Variants in USP6 observed in about 807,000 individuals in gnomAD.
USP6 encodes ubiquitin carboxyl-terminal hydrolase 6.
USP6 carries 128 observed loss-of-function variants against 175.7 expected under a neutral mutation model. The ratio of observed to expected loss-of-function variants is 0.73; its 90% CI spans 0.63 to 0.84. USP6 has a LOEUF of 0.84. Among genes scored for constraint, USP6 ranks in the 40% least tolerant of loss-of-function variants. USP6 has a pLI of 0.00. For missense variants in USP6, 1,498 were observed against 1,760.3 expected, an observed-to-expected ratio of 0.85 and a Z score of 2.67; for synonymous variants, 562 against 630.6, an observed-to-expected ratio of 0.89 and a Z score of 1.63.
intron 33 of USP6, 136 bp from the exon 34 acceptor site, chr17:5,167,796 A>G (rs2074125000): frequency 3.6e-6 from 4 of 1,104,768 alleles, no homozygotes; most frequent in Non-Finnish European, 5.1e-6. Context: ...GAGCCATCAT[A>G]CCCAGCCAGT....
rs755926845 is a variant in USP6, at chr17:5,138,993, G to T, written c.1079-262G>T. 3.9e-5 allele frequency: 59 copies of T among 1,519,640 alleles called. 1 individual carries two copies. In the South Asian group the frequency reaches 6.8e-4, roughly 18 times the overall value. The allele number at this position is 1,519,640 out of a possible 1,614,324, so 94.1% of individuals were successfully genotyped here. On this transcript the variant is annotated intron_variant, in intron 21 of 37. Transcript: ENST00000574788. ...CAGGCCCAACAGCCCTGGGACGAAGGTGTGTGGCAGGAAGCCCCCAGCCAG... is the reference window on the plus strand; with the variant it reads ...CAGGCCCAACAGCCCTGGGACGAAGTTGTGTGGCAGGAAGCCCCCAGCCAG...
chr17:5,131,318 G>GT (rs1311733989), intron 11 of USP6, among the ~76,000 whole-genome samples: 1 of 151,256 alleles, frequency 6.6e-6, no homozygotes, highest in Non-Finnish European at 1.5e-5. Context: ...CTGGGGCCAG[G>GT]TAAGAGGAGC....
rs895507904 is a variant in USP6, at chr17:5,174,541, A to G, written c.*1563A>G. 5.2e-6 allele frequency: 1 copy of G among 192,908 alleles called. No individual in the cohort carries two copies. Among genetic ancestry groups the G allele is most frequent in the African/African-American group, 2.3e-5 (1 of 43,084 alleles). 11.9% of individuals were successfully genotyped at this position (192,908 alleles called of 1,614,324 possible). Reference sequence around the variant, plus strand: ...TAGGTAGGAGTGGCCTAAATTGTCTAATGTAATAAAGTCAGACAAAATGCA... The same window carrying G: ...TAGGTAGGAGTGGCCTAAATTGTCTGATGTAATAAAGTCAGACAAAATGCA... On this transcript the variant is annotated 3_prime_UTR_variant, in exon 38 of 38. Coordinates refer to ENST00000574788, the MANE Select transcript of USP6 (RefSeq NM_001304284.2).
Position 5,132,969 on chromosome 17 carries a change from G to T in USP6, c.255G>T (p.Glu85Asp). The T allele has an allele frequency of 6.2e-7, 1 of 1,614,186 alleles. No individual in the cohort carries two copies. Among genetic ancestry groups the T allele is most frequent in the Non-Finnish European group, 8.5e-7 (1 of 1,180,012 alleles). The change falls in exon 13 of 38, where the codon GAG (glutamate) becomes GAT (aspartate). Residue 85 changes from glutamate (E) to aspartate (D), a missense_variant. By Grantham distance (45) the Glu-to-Asp change is conservative (BLOSUM62 2). This residue lies in a region of USP6 where 281 missense variants were observed against 259.6 expected (regional missense o/e 1.08). Coordinates refer to ENST00000574788, the MANE Select transcript of USP6 (RefSeq NM_001304284.2). This position sits in a 1 kb window ranked among gnomAD's most constrained non-coding sequence, Gnocchi z 4.7. ...SKWMEMLGEW[E>D]TYKHSSKLID... ...GGATGGAAATGCTGGGAGAATGGGAGACATATAAGCACAGTAGCAAAGTAA... is the reference window on the plus strand; with the variant it reads ...GGATGGAAATGCTGGGAGAATGGGATACATATAAGCACAGTAGCAAAGTAA...
At chr17:5,116,866 A>G (rs571594442) in intron 1 of USP6, 126 bp downstream of exon 1, 1 of 152,284 alleles carries the variant, frequency 6.6e-6, no homozygotes, top group Non-Finnish European at 1.5e-5. Flanking sequence ...ACGGTACCCA[A>G]CACATAGCAA....
intron 14 of USP6, 50 bp downstream of exon 14, chr17:5,133,600 A>C (rs764460981): frequency 9.1e-5 from 123 of 1,351,708 alleles, no homozygotes; most frequent in Non-Finnish European, 9.5e-5. Flanking sequence ...TCAGGGGCCC[A>C]GGTCTCCAGC....
rs374580269 is a variant in USP6, at chr17:5,145,513, T to C, written c.2101T>C (p.Phe701Leu). ...GACATGTGGGCATATAAGTGTCCGA[T>C]TTGACCCTTTCAATTTTTTGTCTTT... ...CKTCGHISVR[F>L]DPFNFLSLPL... Residue 701 changes from phenylalanine (F) to leucine (L), a missense_variant, in exon 27 of 38, where the codon TTT becomes CTT. Physicochemically the swap from Phe to Leu is conservative, Grantham distance 22. Transcript: ENST00000574788. 2 of 1,612,194 alleles carry C rather than the reference T, an allele frequency of 1.2e-6. No individual in the cohort carries two copies. The highest frequency in any genetic ancestry group is 1.3e-5 in the African/African-American group (1 of 74,838).
rs1295799458 is a variant in USP6 at position 5,135,299 on chromosome 17, G to A, written c.543+17G>A. 6 of 1,612,070 alleles carry A rather than the reference G, an allele frequency of 3.7e-6. No homozygotes were observed. Among genetic ancestry groups the A allele is most frequent in the Non-Finnish European group, 5.1e-6 (6 of 1,178,652 alleles). The stretch of plus-strand genomic sequence containing the variant: ...TATAACCCGGTGAGTATTCCCGGCA[G>A]TGAGGTTCCCAGGCTGTATTTCCAT... On this transcript the variant is annotated intron_variant, in intron 16 of 37. Coordinates refer to ENST00000574788, the MANE Select transcript of USP6 (RefSeq NM_001304284.2).
intron 25 of USP6, 54 bp from the exon 26 acceptor site, chr17:5,144,636 A>G (rs2073554190): frequency 6.3e-7 from 1 of 1,595,848 alleles, no homozygotes; most frequent in African/African-American, 1.3e-5. Context: ...GGACATGTTC[A>G]TTCCAAATTT....
chr17:5,116,762 C>G (rs2072548082), intron 1 of USP6, 22 bp downstream of exon 1: 1 of 152,232 alleles, frequency 6.6e-6, no homozygotes, highest in Non-Finnish European at 1.5e-5. Flanking sequence ...GGCAAATTTG[C>G]CTTTCTAGAG....
rs2072634165 is a variant in USP6 at position 5,120,702 on chromosome 17, A to G, written c.-1761A>G. On this transcript the variant is annotated 5_prime_UTR_variant, in exon 3 of 38. Coordinates refer to ENST00000574788, the MANE Select transcript of USP6 (RefSeq NM_001304284.2). Reference sequence around the variant, plus strand: ...GGACACTGTGCCTGGAGTGAACCTGAGCTGGATCCTGAATGAGATGCATGA... The same window carrying G: ...GGACACTGTGCCTGGAGTGAACCTGGGCTGGATCCTGAATGAGATGCATGA... The G allele has an allele frequency of 4.7e-6, 2 of 422,356 alleles. No homozygotes were observed. The highest frequency in any genetic ancestry group is 9.4e-6 in the Non-Finnish European group (2 of 211,644). 26.2% of individuals were successfully genotyped at this position (422,356 alleles called of 1,614,324 possible).
Position 5,137,724 on chromosome 17 carries a change from C to T in USP6, c.899C>T (p.Thr300Ile). 1 of 1,608,942 alleles carries T rather than the reference C, an allele frequency of 6.2e-7. No homozygotes were observed. Among genetic ancestry groups the T allele is most frequent in the Non-Finnish European group, 8.5e-7 (1 of 1,176,518 alleles). The change falls in exon 20 of 38, where the codon ACC (threonine) becomes ATC (isoleucine). Residue 300 changes from threonine (T) to isoleucine (I), a missense_variant. Physicochemically the swap from Thr to Ile is moderately conservative, Grantham distance 89. This residue lies in a region of USP6 where 1,217 missense variants were observed against 1,500.8 expected (regional missense o/e 0.81). Coordinates refer to ENST00000574788, the MANE Select transcript of USP6 (RefSeq NM_001304284.2). Reference protein sequence around the residue: ...VEGEQVLMPITSIALKVQQKR... With the variant: ...VEGEQVLMPIISIALKVQQKR... The stretch of plus-strand genomic sequence containing the variant: ...GGAGAACAGGTGTTGATGCCAATAA[C>T]CAGCATTGCTCTTAAGGTTCAGCAG...
chr17:5,138,489 G>A (rs903933065), intron 21 of USP6, among the ~76,000 whole-genome samples: 1 of 152,132 alleles, frequency 6.6e-6, no homozygotes, highest in African/African-American at 2.4e-5. Flanking sequence ...GCAGGAGAGG[G>A]ATGTGGGCAA....
chr17:5,160,598 G>A (rs998118092), intron 31 of USP6, among the ~76,000 whole-genome samples: 3 of 152,196 alleles, frequency 2.0e-5, no homozygotes, highest in African/African-American at 7.2e-5. Flanking sequence ...TGGTGTATAT[G>A]TGCCACATTT....
rs1025470448 is a variant in USP6 at position 5,116,260 on chromosome 17, C to A, written c.-2408C>A. On this transcript the variant is annotated 5_prime_UTR_variant, in exon 1 of 38. Transcript: ENST00000574788. ...CCGCCTGCGGGCTCTCTGCTCGACG[C>A]CACTCCCGGCCCCGCTCCGGGCGGC... 2.6e-5 allele frequency among the ~76,000 whole-genome samples: 4 copies of A among 151,924 alleles called. No homozygotes were observed. Among genetic ancestry groups the A allele is most frequent in the Non-Finnish European group, 4.4e-5 (3 of 68,008 alleles).
At position 5,144,764 on chromosome 17, in the gene USP6, C is replaced by G. The variant is rs768520716; in HGVS notation, c.1893C>G (p.Leu631=). The G allele has an allele frequency of 7.4e-6, 12 of 1,613,754 alleles. No individual in the cohort carries two copies. The highest frequency in any genetic ancestry group is 1.0e-5 in the Non-Finnish European group (12 of 1,179,812). ...ACTCCCAAGAACTTCTGGCTTTTCTCTTGGATGGTCTTCATGAAGATCTCA... is the reference window on the plus strand; with the variant it reads ...ACTCCCAAGAACTTCTGGCTTTTCTGTTGGATGGTCTTCATGAAGATCTCA... ...QQDSQELLAF[L]LDGLHEDLNR... Residue 631 remains leucine (L), a synonymous_variant, in exon 26 of 38, where the codon CTC becomes CTG. Coordinates refer to ENST00000574788, the MANE Select transcript of USP6 (RefSeq NM_001304284.2).
rs1213034440 is a variant in USP6 at position 5,121,515 on chromosome 17, C to G, written c.-1534C>G. On this transcript the variant is annotated 5_prime_UTR_variant, in exon 4 of 38. Transcript: ENST00000574788. ...GTAGGGCCTCTGTCCCCTCCCCACC[C>G]TGTACCTATCACCCCAGGGTGAGCC... The G allele has an allele frequency of 1.4e-5, 3 of 212,936 alleles. No individual in the cohort carries two copies. Among genetic ancestry groups the G allele is most frequent in the African/African-American group, 4.7e-5 (2 of 42,974 alleles). 13.2% of individuals were successfully genotyped at this position (212,936 alleles called of 1,614,324 possible). A position where few individuals can be genotyped will look rare whatever the true frequency, so the allele number is the denominator to read the frequency against.
chr17:5,133,513 T>C lies in USP6; in HGVS notation c.347T>C (p.Ile116Thr). 1.9e-6 allele frequency: 3 copies of C among 1,611,324 alleles called. No homozygotes were observed. The highest frequency in any genetic ancestry group is 2.5e-6 in the Non-Finnish European group (3 of 1,179,532). ...CCGGTGTGGTCAGTCCTCCTGAACA[T>C]TCAGGAAATCAAGTTGAAAAACCCC... ...RGPVWSVLLN[I>T]QEIKLKNPGR... Residue 116 changes from isoleucine to threonine, a missense_variant, in exon 14 of 38, where the codon ATT (isoleucine) becomes ACT (threonine). By Grantham distance (89) the Ile-to-Thr change is moderately conservative. This residue lies in a region of USP6 where 281 missense variants were observed against 259.6 expected (regional missense o/e 1.08). Transcript: ENST00000574788.
intron 27 of USP6, 84 bp from the exon 28 acceptor site, chr17:5,145,939 C>T: frequency 7.1e-7 from 1 of 1,414,042 alleles, no homozygotes; most frequent in Non-Finnish European, 9.3e-7. Context: ...ATTATATTTA[C>T]AGGTCAGATA....
Sources: allele counts gnomAD v4.1 joint callset (sites outside exome capture counted in the v4.1 genomes callset), GRCh38; gene constraint gnomAD v4.1.1; regional missense constraint gnomAD v4.1.1; non-coding constraint Gnocchi (gnomAD v3.1); transcripts MANE v1.5; gene names NCBI Gene and HGNC (gene_info 2026-07-23, HGNC 2026-07-21).